ZC3H12B: variants seen among roughly 807,000 people sequenced by gnomAD.
ZC3H12B encodes the protein zinc finger CCCH-type containing 12B.
ZC3H12B carries 7 observed loss-of-function variants against 43.9 expected under a neutral mutation model. The observed-to-expected ratio is 0.16, with a 90% CI of 0.09 to 0.30. ZC3H12B has a LOEUF of 0.30. Among genes scored for constraint, ZC3H12B ranks in the 10% least tolerant of loss-of-function variants. ZC3H12B has a pLI of 1.00. For synonymous variants in ZC3H12B, 222 were observed against 241.7 expected (o/e 0.92, Z 0.76); for missense variants, 475 against 670.2 (o/e 0.71, Z 3.22).
At chrX:65,444,354 G>T (rs183978865) in intron 3 of ZC3H12B, among the ~76,000 whole-genome samples, 2 of 111,979 alleles carry the variant, frequency 1.8e-5, no homozygotes, top group South Asian at 7.5e-4. Context: ...CTGGTGGGAG[G>T]TTATCGAATA....
chrX:65,422,957 G>C (rs769399293), intron 3 of ZC3H12B, among the ~76,000 whole-genome samples: 1 of 72,462 alleles, frequency 1.4e-5, no homozygotes, highest in East Asian at 4.0e-4. Context: ...TTTTGAGATG[G>C]ATTCTCACTG....
At chrX:65,311,307 A>G in the ZC3H12B span, among the ~76,000 whole-genome samples, 15 of 112,327 alleles carry the variant, frequency 1.3e-4, no homozygotes, top group Non-Finnish European at 1.9e-4. Flanking sequence ...CAAGAAAAAA[A>G]CAACCCCATC....
chrX:65,327,458 T>C, the ZC3H12B span, among the ~76,000 whole-genome samples: 1 of 111,345 alleles, frequency 9.0e-6, no homozygotes, highest in Non-Finnish European at 1.9e-5. Context: ...TAGACACAAA[T>C]ACAAAAACCA....
chrX:65,212,286 T>G, the ZC3H12B span, among the ~76,000 whole-genome samples: 1 of 50,695 alleles, frequency 2.0e-5, no homozygotes, highest in African/African-American at 8.0e-5. Flanking sequence ...AATATAATTA[T>G]AATATATTAT....
the ZC3H12B span, among the ~76,000 whole-genome samples, chrX:65,341,328 G>A: frequency 8.9e-6 from 1 of 111,839 alleles, no homozygotes; most frequent in Non-Finnish European, 1.9e-5. Flanking sequence ...TAGATACAGA[G>A]GCCAACATTC....
the ZC3H12B span, among the ~76,000 whole-genome samples, chrX:65,196,981 G>T: frequency 2.7e-5 from 3 of 111,982 alleles, no homozygotes. Context: ...TTAAGAAAAG[G>T]CATTAGAAGC....
At chrX:65,040,585 T>C in the ZC3H12B span, among the ~76,000 whole-genome samples, 34 of 110,779 alleles carry the variant, frequency 3.1e-4, no homozygotes, top group African/African-American at 9.8e-4. Flanking sequence ...TTTTGAATTT[T>C]AGATTTTTTT....
At chrX:65,449,486 G>A (rs1180488919) in intron 3 of ZC3H12B, among the ~76,000 whole-genome samples, 3 of 110,250 alleles carry the variant, frequency 2.7e-5, no homozygotes, top group South Asian at 4.0e-4. Context: ...AGGCATGATA[G>A]CACATGCCTG....
intron 2 of ZC3H12B, among the ~76,000 whole-genome samples, chrX:65,387,424 T>C (rs898667592): frequency 2.7e-5 from 3 of 111,866 alleles, no homozygotes; most frequent in African/African-American, 9.8e-5. Context: ...TTGATCTTTG[T>C]TGGTTGAAGT....
the ZC3H12B span, among the ~76,000 whole-genome samples, chrX:65,120,268 G>T: frequency 9.0e-6 from 1 of 111,474 alleles, no homozygotes; most frequent in Non-Finnish European, 1.9e-5. Flanking sequence ...ATTGATTCTT[G>T]CTATCCATGA....
At chrX:65,084,591 T>C in the ZC3H12B span, among the ~76,000 whole-genome samples, 1 of 112,476 alleles carries the variant, frequency 8.9e-6, no homozygotes, top group Non-Finnish European at 1.9e-5. Context: ...GGCTTATATT[T>C]AAATGACAGA....
At chrX:65,311,225 G>C in the ZC3H12B span, among the ~76,000 whole-genome samples, 3 of 111,543 alleles carry the variant, frequency 2.7e-5, no homozygotes, top group Non-Finnish European at 5.6e-5. Flanking sequence ...CAGAACTGGA[G>C]AAAATTTTTG....
the ZC3H12B span, among the ~76,000 whole-genome samples, chrX:65,227,061 C>T: frequency 2.7e-5 from 3 of 111,461 alleles, no homozygotes; most frequent in African/African-American, 9.8e-5. Context: ...CTCTCCACCC[C>T]AAATCAACAT....
At chrX:65,190,330 T>A in the ZC3H12B span, among the ~76,000 whole-genome samples, 1 of 111,303 alleles carries the variant, frequency 9.0e-6, no homozygotes, top group African/African-American at 3.3e-5. Context: ...TCTAATTCTG[T>A]GAAGAAAGTC....
At chrX:65,271,967 C>A in the ZC3H12B span, 1 of 116,484 alleles carries the variant, frequency 8.6e-6, no homozygotes, top group Non-Finnish European at 1.8e-5. Flanking sequence ...GTAATCCCAG[C>A]ATTTTGGGAG....
chrX:65,176,808 G>A, the ZC3H12B span, among the ~76,000 whole-genome samples: 1 of 111,368 alleles, frequency 9.0e-6, no homozygotes, highest in African/African-American at 3.3e-5. Flanking sequence ...ACCAAAAAAA[G>A]CCCAGGATGA....
chrX:65,195,267 G>A, the ZC3H12B span, among the ~76,000 whole-genome samples: 9 of 110,919 alleles, frequency 8.1e-5, no homozygotes, highest in African/African-American at 2.3e-4. Flanking sequence ...CTCCTTTTCA[G>A]TGGAGGTGAT....
chrX:65,470,654 A>G (rs1395090420), intron 3 of ZC3H12B, among the ~76,000 whole-genome samples: 2 of 111,127 alleles, frequency 1.8e-5, no homozygotes, highest in Middle Eastern at 4.2e-3. Context: ...CCCACTCATG[A>G]GTGCCTTCTA....
chrX:65,345,965 T>C, the ZC3H12B span, among the ~76,000 whole-genome samples: 3 of 111,419 alleles, frequency 2.7e-5, no homozygotes, highest in Admixed American at 2.9e-4. Flanking sequence ...AAAGAAATTA[T>C]TGATGACAAA....
Sources: allele counts gnomAD v4.1 joint callset (sites outside exome capture counted in the v4.1 genomes callset), GRCh38; gene constraint gnomAD v4.1.1; transcripts MANE v1.5; gene names NCBI Gene and HGNC (gene_info 2026-07-23, HGNC 2026-07-21).